The following MCPH1 variants were observed in gnomAD, a reference collection of about 807,000 sequenced individuals.
MCPH1 encodes the protein microcephalin 1.
A neutral mutation model predicts 84.5 loss-of-function variants in MCPH1; 104 were observed. The observed-to-expected ratio is 1.23, with a 90% CI of 1.05 to 1.45. MCPH1 has a LOEUF of 1.45. Among genes scored for constraint, MCPH1 ranks in the 40% most tolerant of loss-of-function variants. MCPH1 has a pLI of 0.00. For synonymous variants in MCPH1, 514 were observed against 366.8 expected (o/e 1.40, Z -4.58); for missense variants, 1,498 against 1,005.7 (o/e 1.49, Z -6.62).
intron 11 of MCPH1, among the ~76,000 whole-genome samples, chr8:6,481,193 C>T (rs954954469): frequency 6.6e-6 from 1 of 152,198 alleles, no homozygotes; most frequent in Middle Eastern, 3.2e-3. Flanking sequence ...AGTCAAAGAG[C>T]TTTCCTCTAT....
chr8:6,505,295 A>ATGTTT (rs1491494016), intron 12 of MCPH1, among the ~76,000 whole-genome samples: 1 of 73,748 alleles, frequency 1.4e-5, no homozygotes, highest in Non-Finnish European at 2.3e-5. Context: ...TGTTATATAC[A>ATGTTT]TATATATGTA....
intron 9 of MCPH1, among the ~76,000 whole-genome samples, chr8:6,466,140 T>A (rs1410449013): frequency 1.4e-5 from 2 of 144,842 alleles, no homozygotes; most frequent in African/African-American, 5.1e-5. Context: ...TTTTTTTTTT[T>A]TTTTTTTTTT....
At chr8:6,567,712 C>G (rs935034751) in intron 12 of MCPH1, among the ~76,000 whole-genome samples, 1 of 152,120 alleles carries the variant, frequency 6.6e-6, no homozygotes, top group African/African-American at 2.4e-5. Context: ...TCCAGTAACA[C>G]CACCATGCAG....
intron 12 of MCPH1, among the ~76,000 whole-genome samples, chr8:6,558,053 T>G (rs1052941924): frequency 2.6e-5 from 4 of 152,178 alleles, no homozygotes; most frequent in African/African-American, 4.8e-5. Flanking sequence ...TTTAGTTACC[T>G]CAGTCTTTCA....
chr8:6,429,760 A>T (rs181018116), intron 3 of MCPH1, among the ~76,000 whole-genome samples: 1 of 149,944 alleles, frequency 6.7e-6, no homozygotes, highest in African/African-American at 2.5e-5. Context: ...TTAGTCCCCA[A>T]CTGCCTTTGC....
At chr8:6,579,261 A>T (rs948545638) in intron 12 of MCPH1, among the ~76,000 whole-genome samples, 7 of 152,212 alleles carry the variant, frequency 4.6e-5, no homozygotes, top group African/African-American at 1.4e-4. Flanking sequence ...AGTTCCAGGT[A>T]TGGTGTCTGA....
At chr8:6,624,166 G>T (rs1456503500) in intron 13 of MCPH1, among the ~76,000 whole-genome samples, 1 of 152,224 alleles carries the variant, frequency 6.6e-6, no homozygotes, top group Non-Finnish European at 1.5e-5. Flanking sequence ...ATGTCTACCT[G>T]CTTAATCCTG....
At chr8:6,627,035 G>A in intron 13 of MCPH1, 2 of 984,294 alleles carry the variant, frequency 2.0e-6, no homozygotes, top group Non-Finnish European at 2.4e-6. Context: ...AACTTATAAA[G>A]AAAATTTGGT....
chr8:6,606,916 A>G (rs112302222), intron 12 of MCPH1, among the ~76,000 whole-genome samples: 207 of 152,322 alleles, frequency 1.4e-3, no homozygotes, highest in African/African-American at 4.7e-3. Flanking sequence ...TTCACCTTCC[A>G]CTATGAGTGT....
intron 9 of MCPH1, among the ~76,000 whole-genome samples, chr8:6,465,625 T>C (rs1431663691): frequency 6.6e-6 from 1 of 152,020 alleles, no homozygotes; most frequent in Non-Finnish European, 1.5e-5. Context: ...CTTCTGGAAC[T>C]GCGACAGCGG....
chr8:6,499,976 C>A, intron 12 of MCPH1, 47 bp downstream of exon 12: 1 of 1,513,220 alleles, frequency 6.6e-7, no homozygotes, highest in Non-Finnish European at 9.2e-7. Context: ...TTGCTGTTCT[C>A]AAGAAATTAT....
chr8:6,648,402 C>T lies in MCPH1; in HGVS notation c.*5353C>T, dbSNP rs192242142. On this transcript the variant is annotated 3_prime_UTR_variant, in exon 14 of 14. Transcript: ENST00000344683. ...GACCCATCAGACAGAAAGTAATATG[C>T]AGATAACAGCCCAGGGGAATCTGGG... 1 of 152,352 alleles carries T rather than the reference C, an allele frequency of 6.6e-6. No individual in the cohort carries two copies. Among genetic ancestry groups the T allele is most frequent in the African/African-American group, 2.4e-5 (1 of 41,590 alleles). The allele number at this position is 152,352 out of a possible 1,614,324, so 9.4% of individuals were successfully genotyped here.
Position 6,605,954 on chromosome 8 carries a change from C to T in MCPH1, c.2215-15500C>T, listed in dbSNP as rs148362762. On this transcript the variant is annotated intron_variant, in intron 12 of 13. Coordinates refer to ENST00000344683, the MANE Select transcript of MCPH1 (RefSeq NM_024596.5). The stretch of plus-strand genomic sequence containing the variant: ...TCAAGTGATCTACCCCCCTTGGCCC[C>T]CCAGAATGCTGGGATTACAGGCATG... Among the ~76,000 whole-genome samples the T allele has an allele frequency of 3.5e-3, 533 of 152,280 alleles. 3 individuals carry two copies. Among genetic ancestry groups the T allele is most frequent in the Non-Finnish European group, 6.2e-3 (421 of 68,020 alleles).
chr8:6,448,783 C>T (rs556862841), intron 8 of MCPH1, among the ~76,000 whole-genome samples: 2 of 152,122 alleles, frequency 1.3e-5, no homozygotes, highest in South Asian at 4.2e-4. Context: ...TCTAATAGAG[C>T]CTATAGGTAG....
chr8:6,507,055 G>A (rs553653976), intron 12 of MCPH1, among the ~76,000 whole-genome samples: 3 of 152,062 alleles, frequency 2.0e-5, no homozygotes, highest in East Asian at 1.9e-4. Flanking sequence ...ATGCCACCAC[G>A]CCTGGCTAAT....
At chr8:6,446,847 G>A (rs1361808281) in intron 8 of MCPH1, 45 of 985,180 alleles carry the variant, frequency 4.6e-5, no homozygotes, top group Non-Finnish European at 5.1e-5. Context: ...GCTAGTCCTC[G>A]GAAGCAGGTG....
At chr8:6,475,292 C>T (rs993176821) in intron 9 of MCPH1, among the ~76,000 whole-genome samples, 1 of 152,222 alleles carries the variant, frequency 6.6e-6, no homozygotes, top group African/African-American at 2.4e-5. Context: ...GTGCCCTTCA[C>T]GGGCACTCCT....
At chr8:6,485,911 A>G (rs1809841551) in intron 11 of MCPH1, among the ~76,000 whole-genome samples, 1 of 152,220 alleles carries the variant, frequency 6.6e-6, no homozygotes, top group Non-Finnish European at 1.5e-5. Context: ...TGATGTTCAC[A>G]GGTTGCTCCT....
At chr8:6,577,329 G>C (rs1392139780) in intron 12 of MCPH1, among the ~76,000 whole-genome samples, 1 of 152,154 alleles carries the variant, frequency 6.6e-6, no homozygotes, top group Non-Finnish European at 1.5e-5. Context: ...CGGTGCATTT[G>C]GATGAAGCCA....
Sources: gnomAD v4.1 joint callset for allele counts (sites outside exome capture counted in the v4.1 genomes callset) on GRCh38, gnomAD v4.1.1 for gene constraint, MANE v1.5 for transcripts, NCBI Gene and HGNC (gene_info 2026-07-23, HGNC 2026-07-21) for gene names.